IL1RAPL2: variants seen among roughly 807,000 people sequenced by gnomAD.
The protein encoded by IL1RAPL2 is interleukin 1 receptor accessory protein like 2, also known as X-linked interleukin-1 receptor accessory protein-like 2.
Under a neutral mutation model 44.1 loss-of-function variants are expected in IL1RAPL2, and 3 were observed. That is an observed-to-expected ratio of 0.07 (90% CI 0.03 to 0.18). IL1RAPL2 has a LOEUF of 0.18. Among genes scored for constraint, IL1RAPL2 ranks in the 10% least tolerant of loss-of-function variants. IL1RAPL2 has a pLI of 1.00. For synonymous variants in IL1RAPL2, 181 were observed against 178.8 expected (o/e 1.01, Z -0.10); for missense variants, 391 against 496.4 (o/e 0.79, Z 2.02).
chrX:105,079,088 T>A (rs1401372659), intron 2 of IL1RAPL2, among the ~76,000 whole-genome samples: 2 of 112,088 alleles, frequency 1.8e-5, no homozygotes, highest in African/African-American at 6.5e-5. Context: ...GGTACCTCAG[T>A]TGGAAATGCA....
At chrX:104,841,106 T>C (rs190214353) in intron 2 of IL1RAPL2, among the ~76,000 whole-genome samples, 408 of 112,087 alleles carry the variant, frequency 3.6e-3, no homozygotes, top group African/African-American at 0.013. Context: ...GATAGTTAGC[T>C]CTTTTTGTTG....
At chrX:105,072,471 G>A (rs1267223462) in intron 2 of IL1RAPL2, among the ~76,000 whole-genome samples, 1 of 111,085 alleles carries the variant, frequency 9.0e-6, no homozygotes, top group Non-Finnish European at 1.9e-5. Context: ...GGAGGGCTCA[G>A]AAGAAGACAG....
At chrX:105,665,741 TG>T (rs59869795) in intron 6 of IL1RAPL2, among the ~76,000 whole-genome samples, 5,977 of 80,066 alleles carry the variant, frequency 0.075, 308 homozygotes, top group African/African-American at 0.17. Context: ...TTTGTTTTTT[TG>T]TTTTTTTTTT....
At chrX:105,240,844 G>A (rs1603027982) in intron 4 of IL1RAPL2, among the ~76,000 whole-genome samples, 1 of 111,509 alleles carries the variant, frequency 9.0e-6, no homozygotes. Flanking sequence ...ATTATTTCTG[G>A]CTGGGCGTGG....
chrX:104,573,542 T>G (rs1468287806), intron 1 of IL1RAPL2, among the ~76,000 whole-genome samples: 1 of 112,362 alleles, frequency 8.9e-6, no homozygotes, highest in East Asian at 2.8e-4. Flanking sequence ...AGTGCCATAG[T>G]GCTGCCACTT....
chrX:105,638,872 G>A (rs1200086300), intron 6 of IL1RAPL2, among the ~76,000 whole-genome samples: 1 of 111,517 alleles, frequency 9.0e-6, no homozygotes, highest in Non-Finnish European at 1.9e-5. Flanking sequence ...TGTTGACCTG[G>A]GTTATATTTT....
intron 5 of IL1RAPL2, among the ~76,000 whole-genome samples, chrX:105,306,052 G>C (rs1332666713): frequency 9.0e-6 from 1 of 111,316 alleles, no homozygotes. Flanking sequence ...AAGGTTTAAA[G>C]CATGATACAA....
intron 5 of IL1RAPL2, among the ~76,000 whole-genome samples, chrX:105,322,168 C>A (rs954464048): frequency 3.6e-5 from 4 of 112,574 alleles, no homozygotes; most frequent in African/African-American, 1.3e-4. Context: ...TCTGTAATCA[C>A]TATTTGGAAT....
chrX:104,669,841 CTATTT>C (rs1930559485), intron 2 of IL1RAPL2, among the ~76,000 whole-genome samples: 1 of 111,673 alleles, frequency 9.0e-6, no homozygotes. Context: ...AATTTTTAAT[CTATTT>C]AAATTCCACC....
At chrX:105,334,900 T>G (rs1351451591) in intron 5 of IL1RAPL2, among the ~76,000 whole-genome samples, 5 of 111,468 alleles carry the variant, frequency 4.5e-5, no homozygotes, top group Non-Finnish European at 9.4e-5. Flanking sequence ...ACTTGAAAAC[T>G]AGTTATTTGG....
chrX:105,705,580 G>C (rs1448712686), intron 6 of IL1RAPL2, among the ~76,000 whole-genome samples: 1 of 111,190 alleles, frequency 9.0e-6, no homozygotes, highest in Non-Finnish European at 1.9e-5. Flanking sequence ...GTCACTCCTG[G>C]TCTATTTATT....
chrX:105,107,769 T>C (rs987933534), intron 2 of IL1RAPL2, among the ~76,000 whole-genome samples: 8 of 111,663 alleles, frequency 7.2e-5, no homozygotes, highest in Non-Finnish European at 1.5e-4. Flanking sequence ...CATCCTCCCA[T>C]CCATTATCAC....
chrX:104,677,403 G>C lies in IL1RAPL2; in HGVS notation c.82+18408G>C, dbSNP rs909272163. On this transcript the variant is annotated intron_variant, in intron 2 of 10. Coordinates refer to ENST00000372582, the MANE Select transcript of IL1RAPL2 (RefSeq NM_017416.2). ...TGCTGGGGGGTGCCTCCCAGTTAGG[G>C]TGCTCAGGGTTCAGGGGTCAGGGAC... 4.3e-4 allele frequency among the ~76,000 whole-genome samples: 48 copies of C among 111,193 alleles called. 1 individual carries two copies. Among genetic ancestry groups the C allele is most frequent in the Middle Eastern group, 4.6e-3 (1 of 217 alleles).
At chrX:104,758,338 G>A (rs1291054691) in intron 2 of IL1RAPL2, among the ~76,000 whole-genome samples, 4 of 111,232 alleles carry the variant, frequency 3.6e-5, no homozygotes, top group African/African-American at 1.3e-4. Context: ...ATCTTATCAT[G>A]TTGAGTTTTA....
chrX:105,183,762 C>A (rs1173633025), intron 2 of IL1RAPL2, among the ~76,000 whole-genome samples: 1 of 111,497 alleles, frequency 9.0e-6, no homozygotes, highest in Non-Finnish European at 1.9e-5. Context: ...CACTGCCAGG[C>A]CCAGCTGGCA....
At chrX:104,679,113 G>T (rs1930845722) in intron 2 of IL1RAPL2, among the ~76,000 whole-genome samples, 2 of 111,149 alleles carry the variant, frequency 1.8e-5, no homozygotes, top group South Asian at 7.7e-4. Flanking sequence ...TACAGTGAAG[G>T]GGCCCTTAGC....
intron 2 of IL1RAPL2, among the ~76,000 whole-genome samples, chrX:104,910,968 C>T (rs1205104347): frequency 8.9e-6 from 1 of 111,848 alleles, no homozygotes; most frequent in Non-Finnish European, 1.9e-5. Context: ...ATAGATATAA[C>T]AGAGATTTGA....
intron 1 of IL1RAPL2, among the ~76,000 whole-genome samples, chrX:104,585,371 T>TATATATA (rs1928533774): frequency 4.5e-5 from 1 of 22,200 alleles, no homozygotes; most frequent in Non-Finnish European, 6.4e-5. Context: ...TTATATATAT[T>TATATATA]ATATATAATA....
intron 5 of IL1RAPL2, among the ~76,000 whole-genome samples, chrX:105,465,223 C>T (rs879200316): frequency 8.9e-6 from 1 of 112,022 alleles, no homozygotes; most frequent in Admixed American, 9.5e-5. Context: ...CAGTTCCCCT[C>T]TCATCTAGAA....
Sources: allele counts gnomAD v4.1 joint callset (sites outside exome capture counted in the v4.1 genomes callset), GRCh38; gene constraint gnomAD v4.1.1; transcripts MANE v1.5; gene names NCBI Gene and HGNC (gene_info 2026-07-23, HGNC 2026-07-21).